The following ANK2 variants were observed in gnomAD, a reference collection of about 807,000 sequenced individuals.
ANK2 encodes ankyrin-2.
ANK2 carries 83 observed loss-of-function variants against 360.5 expected under a neutral mutation model. The ratio of observed to expected loss-of-function variants is 0.23; its 90% CI spans 0.19 to 0.28. The LOEUF is 0.28. ANK2 is among the 10% of genes least tolerant of loss of function. The pLI, the probability that ANK2 is intolerant of heterozygous loss-of-function variation, is 1.00. For missense variants in ANK2, 4,201 were observed against 4,795.7 expected (o/e 0.88, Z 3.66); for synonymous variants, 1,740 against 1,759.5 (o/e 0.99, Z 0.28).
chr4:112,934,470 C>T (rs1325313925), intron 2 of ANK2, among the ~76,000 whole-genome samples: 1 of 152,116 alleles, frequency 6.6e-6, no homozygotes, highest in Non-Finnish European at 1.5e-5. Context: ...TCTCCTAATT[C>T]CTTTCTATTT....
At chr4:113,187,797 T>C (rs931197989) in intron 2 of ANK2, among the ~76,000 whole-genome samples, 4 of 152,176 alleles carry the variant, frequency 2.6e-5, no homozygotes, top group African/African-American at 9.7e-5. Context: ...ACATAATAGA[T>C]ATCCAATTAA....
intron 2 of ANK2, among the ~76,000 whole-genome samples, chr4:113,029,204 G>T (rs2154302916): frequency 6.6e-6 from 1 of 152,074 alleles, no homozygotes; most frequent in Non-Finnish European, 1.5e-5. Context: ...TTATTCTAAA[G>T]GAAAGACTCA....
intron 2 of ANK2, chr4:113,034,679 T>A (rs909784288): frequency 6.6e-6 from 1 of 151,962 alleles, no homozygotes; most frequent in African/African-American, 2.4e-5. Context: ...AGTGAGTAAA[T>A]TACCTGATTA....
At chr4:113,326,139 T>A (rs1231104840) in intron 26 of ANK2, among the ~76,000 whole-genome samples, 1 of 152,022 alleles carries the variant, frequency 6.6e-6, no homozygotes, top group Admixed American at 6.6e-5. Flanking sequence ...TTGCTTACAA[T>A]TTTTTTTATG....
the ANK2 span, among the ~76,000 whole-genome samples, chr4:112,808,801 T>TA: frequency 6.6e-6 from 1 of 152,316 alleles, no homozygotes; most frequent in East Asian, 1.9e-4. Context: ...TAGACTCTGA[T>TA]ATATCAATAA....
At chr4:113,363,581 TAC>T in intron 40 of ANK2, 112 bp downstream of exon 40, 2 of 1,144,498 alleles carry the variant, frequency 1.7e-6, no homozygotes, top group South Asian at 2.5e-5. Flanking sequence ...TAATCTGCAG[TAC>T]AGTGGGTCCT....
intron 10 of ANK2, among the ~76,000 whole-genome samples, chr4:113,255,006 T>C (rs2048524886): frequency 1.3e-5 from 2 of 152,230 alleles, no homozygotes. Context: ...TTACCGAGTC[T>C]GATGAACAGT....
At chr4:113,164,890 G>A (rs893352001) in intron 1 of ANK2, among the ~76,000 whole-genome samples, 3 of 152,160 alleles carry the variant, frequency 2.0e-5, no homozygotes, top group Non-Finnish European at 4.4e-5. Context: ...GTTTTGTATA[G>A]AGAATATTTC....
At chr4:112,931,246 C>T (rs75173262) in intron 2 of ANK2, among the ~76,000 whole-genome samples, 2,194 of 152,058 alleles carry the variant, frequency 0.014, 47 homozygotes, top group African/African-American at 0.049. Context: ...GCCGTGGAGA[C>T]CGGAGTCTTA....
chr4:112,751,739 TATCTC>T, the ANK2 span, among the ~76,000 whole-genome samples: 12 of 152,200 alleles, frequency 7.9e-5, no homozygotes, highest in Non-Finnish European at 1.6e-4. Context: ...GCAGAGATCT[TATCTC>T]TAAGGTAGGA....
the ANK2 span, among the ~76,000 whole-genome samples, chr4:112,713,444 C>CTG: frequency 3.3e-5 from 5 of 152,176 alleles, no homozygotes; most frequent in Non-Finnish European, 7.3e-5. Context: ...TGGCGCATGC[C>CTG]TGTAATCCTA....
chr4:113,255,974 A>G (rs1224782819), intron 11 of ANK2, 42 bp downstream of exon 11: 2 of 1,593,010 alleles, frequency 1.3e-6, no homozygotes, highest in African/African-American at 2.7e-5. Context: ...ACAGATTGAG[A>G]CAAACAAACC....
chr4:112,824,703 C>T (rs1169180047), intron 1 of ANK2, among the ~76,000 whole-genome samples: 1 of 151,636 alleles, frequency 6.6e-6, no homozygotes, highest in Non-Finnish European at 1.5e-5. Context: ...GGGGTTTCAC[C>T]ATGCTGGCCA....
intron 1 of ANK2, among the ~76,000 whole-genome samples, chr4:112,884,463 A>G (rs2077688669): frequency 6.6e-6 from 1 of 152,160 alleles, no homozygotes; most frequent in African/African-American, 2.4e-5. Flanking sequence ...TGAATTTCAT[A>G]TCATTTTCAT....
At chr4:113,053,362 C>T (rs969676431) in intron 1 of ANK2, among the ~76,000 whole-genome samples, 5 of 152,158 alleles carry the variant, frequency 3.3e-5, no homozygotes, top group Non-Finnish European at 5.9e-5. Flanking sequence ...AAACCTTCAT[C>T]TGATACTTCC....
chr4:112,725,001 C>T, the ANK2 span, among the ~76,000 whole-genome samples: 6 of 152,248 alleles, frequency 3.9e-5, no homozygotes, highest in Middle Eastern at 3.4e-3. Flanking sequence ...CACATTCAGC[C>T]GGGTGCCGTG....
intron 1 of ANK2, among the ~76,000 whole-genome samples, chr4:113,072,237 T>TGG (rs1451926914): frequency 6.6e-6 from 1 of 152,212 alleles, no homozygotes; most frequent in African/African-American, 2.4e-5. Context: ...TCATGATAAC[T>TGG]TCAGGGTTAC....
chr4:112,775,545 A>ACACACACACACACACACAC, the ANK2 span, among the ~76,000 whole-genome samples: 27 of 150,872 alleles, frequency 1.8e-4, no homozygotes, highest in South Asian at 4.2e-4. Context: ...ACACACACAC[A>ACACACACACACACACACAC]AGAAAAAAAA....
chr4:113,355,646 T>C lies in ANK2; in HGVS notation c.7028T>C (p.Leu2343Pro), dbSNP rs768742426. 26 of 1,614,076 alleles carry C rather than the reference T, an allele frequency of 1.6e-5. No individual in the cohort carries two copies. The South Asian group carries it at 2.3e-4, about 14-fold the overall frequency. ...TTAGCTAAAGAGACACCTACAGGAC[T>C]GACTGAGGAGGCAGCCTGTGATGAA... is the stretch of plus-strand genomic sequence containing the variant. ...VALAKETPTG[L>P]TEEAACDEGQ... Residue 2343 changes from leucine to proline, a missense_variant, in exon 38 of 46, where the codon CTG becomes CCG. By Grantham distance (98) the Leu-to-Pro change is moderately conservative (BLOSUM62 -3). Transcript: ENST00000357077.
Sources: allele counts gnomAD v4.1 joint callset (sites outside exome capture counted in the v4.1 genomes callset), GRCh38; gene constraint gnomAD v4.1.1; transcripts MANE v1.5; gene names NCBI Gene and HGNC (gene_info 2026-07-23, HGNC 2026-07-21).